Variants in RAD51B observed in about 807,000 individuals in gnomAD.
RAD51B encodes RAD51 paralog B.
Under a neutral mutation model 42.2 loss-of-function variants are expected in RAD51B, and 38 were observed. The observed-to-expected ratio is 0.90, with a 90% CI of 0.70 to 1.18. The LOEUF is 1.18. RAD51B is among the 50% of genes most tolerant of loss of function. The probability of loss-of-function intolerance (pLI) is 0.00; values close to 1 mark genes in which losing one functional copy is unlikely to be tolerated. For synonymous variants in RAD51B, 154 were observed against 145.2 expected (o/e 1.06, Z -0.43); for missense variants, 373 against 400.7 (o/e 0.93, Z 0.59).
intron 7 of RAD51B, among the ~76,000 whole-genome samples, chr14:68,075,327 C>T (rs1481647334): frequency 6.6e-6 from 1 of 152,084 alleles, no homozygotes; most frequent in Non-Finnish European, 1.5e-5. Flanking sequence ...AGTCCGAGGG[C>T]AGCAAGGGTA....
chr14:68,588,548 G>A lies in RAD51B; in HGVS notation c.1037-5937G>A, dbSNP rs10150477. 3.2e-3 allele frequency among the ~76,000 whole-genome samples: 484 copies of A among 152,284 alleles called. 3 individuals carry two copies. Among genetic ancestry groups the A allele is most frequent in the African/African-American group, 0.011 (463 of 41,548 alleles). ...CAAGCTTTCTCATGTAGAATAGATC[G>A]CTATGGGTGAAGGAACTGAATGAAT... On this transcript the variant is annotated intron_variant, in intron 10 of 10. Transcript: ENST00000487270.
rs181198048 is a variant in RAD51B at position 68,158,593 on chromosome 14, T to C, written c.757-133291T>C. On this transcript the variant is annotated intron_variant, in intron 7 of 10. Transcript: ENST00000471583. ...GTATAACACTGCTCTATATAGCACT[T>C]TTAAATGTATAAAATTTTTGATAGA... 2.0e-5 allele frequency among the ~76,000 whole-genome samples: 3 copies of C among 152,342 alleles called. No homozygotes were observed. The East Asian group carries it at 5.8e-4, about 29-fold the overall frequency.
chr14:67,910,560 T>C (rs1733310383), intron 7 of RAD51B, among the ~76,000 whole-genome samples: 1 of 151,984 alleles, frequency 6.6e-6, no homozygotes, highest in African/African-American at 2.4e-5. Flanking sequence ...TGCTCATTTT[T>C]TGACTCGTAA....
At chr14:68,106,413 G>A (rs1294816991) in intron 7 of RAD51B, among the ~76,000 whole-genome samples, 1 of 151,626 alleles carries the variant, frequency 6.6e-6, no homozygotes, top group Non-Finnish European at 1.5e-5. Flanking sequence ...AGATGTGGTA[G>A]GTTTTTTTAT....
intron 7 of RAD51B, among the ~76,000 whole-genome samples, chr14:67,916,296 T>G (rs1001764857): frequency 6.6e-6 from 1 of 152,230 alleles, no homozygotes; most frequent in African/African-American, 2.4e-5. Context: ...TTTTTGTTTT[T>G]TTTTGAGACT....
chr14:68,311,705 G>A (rs1004775196), intron 8 of RAD51B, among the ~76,000 whole-genome samples: 14 of 152,224 alleles, frequency 9.2e-5, no homozygotes, highest in African/African-American at 3.4e-4. Context: ...TGGCCAACAT[G>A]GTGAAACCCT....
chr14:68,669,000 T>G (rs917596055), intron 11 of RAD51B, among the ~76,000 whole-genome samples: 21 of 152,250 alleles, frequency 1.4e-4, no homozygotes, highest in Admixed American at 3.9e-4. Context: ...TTCTTTCTAT[T>G]TTAGTTGAAG....
rs559205449 is a variant in RAD51B, at chr14:68,667,900, C to T, written c.*11+17044C>T. 2.0e-5 allele frequency among the ~76,000 whole-genome samples: 3 copies of T among 152,330 alleles called. No homozygotes were observed. In the South Asian group the frequency reaches 6.2e-4, roughly 32 times the overall value. ...ACTAAGGATGTATCCACAGACCTAA[C>T]TGAAGGCAGATCAGCCTTCAGTAAG... On this transcript the variant is annotated intron_variant, in intron 11 of 11. Transcript: ENST00000488612.
chr14:68,050,884 CT>C (rs577493284), intron 7 of RAD51B, among the ~76,000 whole-genome samples: 16 of 150,310 alleles, frequency 1.1e-4, no homozygotes, highest in Admixed American at 2.7e-4. Context: ...TGGATCTTGC[CT>C]TTTTTTTTAT....
intron 7 of RAD51B, among the ~76,000 whole-genome samples, chr14:68,266,621 C>T (rs935681382): frequency 6.6e-6 from 1 of 152,132 alleles, no homozygotes; most frequent in Non-Finnish European, 1.5e-5. Context: ...GTTCTAAGCC[C>T]CAACATTTCC....
intron 7 of RAD51B, among the ~76,000 whole-genome samples, chr14:68,030,971 C>T (rs1483550984): frequency 1.3e-5 from 2 of 152,192 alleles, no homozygotes; most frequent in Non-Finnish European, 2.9e-5. Context: ...GTAAAGCAGT[C>T]AGAACTCGCA....
At chr14:68,277,852 T>C (rs1595648826) in intron 7 of RAD51B, among the ~76,000 whole-genome samples, 1 of 152,134 alleles carries the variant, frequency 6.6e-6, no homozygotes, top group African/African-American at 2.4e-5. Flanking sequence ...AATTCTCTCA[T>C]GTGCCTCAGC....
intron 8 of RAD51B, among the ~76,000 whole-genome samples, chr14:68,357,343 C>T (rs1314143063): frequency 6.6e-6 from 1 of 152,164 alleles, no homozygotes; most frequent in Non-Finnish European, 1.5e-5. Flanking sequence ...AATTCTCTTG[C>T]TATTTCCGCC....
chr14:68,214,037 G>A (rs1314281566), intron 7 of RAD51B, among the ~76,000 whole-genome samples: 1 of 152,134 alleles, frequency 6.6e-6, no homozygotes, highest in Non-Finnish European at 1.5e-5. Context: ...GGCCTGATCT[G>A]TGGCTACAAT....
At chr14:68,468,430 T>C (rs1648931085) in intron 10 of RAD51B, 180 bp downstream of exon 10, 1 of 762,096 alleles carries the variant, frequency 1.3e-6, no homozygotes, top group African/African-American at 1.7e-5. Flanking sequence ...GGCAAGAATT[T>C]GACAGAGAAG....
intron 3 of RAD51B, among the ~76,000 whole-genome samples, chr14:67,833,294 T>G (rs2041118404): frequency 1.3e-5 from 2 of 152,178 alleles, no homozygotes. Context: ...GAGAATTGCT[T>G]GAACCCAGGA....
intron 10 of RAD51B, among the ~76,000 whole-genome samples, chr14:68,592,253 A>T (rs1172001290): frequency 5.7e-5 from 8 of 139,958 alleles, no homozygotes; most frequent in Non-Finnish European, 1.1e-4. Flanking sequence ...GTAGGCAATG[A>T]TGTGTGTGTG....
intron 7 of RAD51B, among the ~76,000 whole-genome samples, chr14:68,233,997 A>T (rs183170436): frequency 1.3e-5 from 2 of 152,282 alleles, no homozygotes; most frequent in Admixed American, 1.3e-4. Flanking sequence ...CAGGAAGAGA[A>T]TTCTGATGAT....
intron 8 of RAD51B, among the ~76,000 whole-genome samples, chr14:68,328,284 T>A (rs1266679767): frequency 6.6e-6 from 1 of 152,192 alleles, no homozygotes; most frequent in Non-Finnish European, 1.5e-5. Flanking sequence ...CAGAAAGTAC[T>A]GTATCTTCTT....
Sources: allele counts gnomAD v4.1 joint callset (sites outside exome capture counted in the v4.1 genomes callset), GRCh38; gene constraint gnomAD v4.1.1; transcripts MANE v1.5; gene names NCBI Gene and HGNC (gene_info 2026-07-23, HGNC 2026-07-21).